CFHR5: variants seen among roughly 807,000 people sequenced by gnomAD.
CFHR5 encodes complement factor H-related protein 5.
In CFHR5, 73 loss-of-function variants were observed where a neutral mutation model predicts 62.9. The observed-to-expected ratio is 1.16, with a 90% CI of 0.96 to 1.41. The LOEUF is 1.41. Among genes scored for constraint, CFHR5 ranks in the 40% most tolerant of loss-of-function variants. The probability of loss-of-function intolerance (pLI) is 0.00; values close to 1 mark genes in which losing one functional copy is unlikely to be tolerated. For missense variants in CFHR5, 779 were observed against 679.9 expected, an observed-to-expected ratio of 1.15 and a Z score of -1.62; for synonymous variants, 249 against 227.2, an observed-to-expected ratio of 1.10 and a Z score of -0.86.
At chr1:196,975,575 C>T (rs1037378318), upstream of CFHR5, among the ~76,000 whole-genome samples, 3 of 152,006 alleles carry the variant, frequency 2.0e-5, no homozygotes, top group Admixed American at 6.6e-5. Context: ...GAAAAGGATG[C>T]GTGTGAACAG....
intron 3 of CFHR5, among the ~76,000 whole-genome samples, chr1:196,990,860 G>A (rs952079798): frequency 3.9e-5 from 6 of 151,924 alleles, no homozygotes; most frequent in East Asian, 1.9e-4. Flanking sequence ...TGCTCTTCTC[G>A]AGGAGTATTT....
intron 9 of CFHR5, 120 bp downstream of exon 9, chr1:197,004,963 A>G: frequency 1.3e-6 from 1 of 782,520 alleles, no homozygotes. Flanking sequence ...TTCCTGTCAA[A>G]TGTAAATACA....
At chr1:196,988,324 A>G (rs1653750760) in intron 3 of CFHR5, among the ~76,000 whole-genome samples, 1 of 152,156 alleles carries the variant, frequency 6.6e-6, no homozygotes, top group Non-Finnish European at 1.5e-5. Context: ...AACAGCAACA[A>G]TTTGACTTCC....
intron 6 of CFHR5, among the ~76,000 whole-genome samples, chr1:196,997,893 C>G (rs561437179): frequency 1.8e-4 from 28 of 152,274 alleles, no homozygotes; most frequent in African/African-American, 6.7e-4. Flanking sequence ...GAAAACCTAT[C>G]TTGCACTTTC....
chr1:196,985,658 A>C (rs1268012447), intron 3 of CFHR5, among the ~76,000 whole-genome samples: 1 of 152,152 alleles, frequency 6.6e-6, no homozygotes, highest in Admixed American at 6.6e-5. Context: ...GATGATGGCT[A>C]TTGTCAGACC....
intron 3 of CFHR5, among the ~76,000 whole-genome samples, chr1:196,985,514 G>C (rs1054129328): frequency 2.6e-5 from 4 of 151,830 alleles, no homozygotes; most frequent in Non-Finnish European, 5.9e-5. Flanking sequence ...AATAACAAAT[G>C]TTACTAACAC....
chr1:196,996,203 T>G lies in CFHR5; in HGVS notation c.970+2T>G, dbSNP rs550747814. ...GGACAGAGCTTCCTATGTGTGTTGGTGAGAAAACATTCCTAAACTTTATAT... is the reference window on the plus strand; with the variant it reads ...GGACAGAGCTTCCTATGTGTGTTGGGGAGAAAACATTCCTAAACTTTATAT... On this transcript the variant is annotated splice_donor_variant, in intron 6 of 9. Coordinates refer to ENST00000256785, the MANE Select transcript of CFHR5 (RefSeq NM_030787.4). LOFTEE classifies it high-confidence loss of function. 4.8e-4 allele frequency: 766 copies of G among 1,597,276 alleles called. 7 individuals are homozygous for G. The South Asian group carries it at 8.0e-3, about 17-fold the overall frequency.
At chr1:197,008,072 C>A (rs1176517568) in intron 9 of CFHR5, among the ~76,000 whole-genome samples, 1 of 149,288 alleles carries the variant, frequency 6.7e-6, no homozygotes. Flanking sequence ...AAGAAGATAA[C>A]ATTGTTTTTT....
intron 3 of CFHR5, among the ~76,000 whole-genome samples, chr1:196,993,217 T>C (rs530091943): frequency 6.6e-6 from 1 of 152,312 alleles, no homozygotes; most frequent in East Asian, 1.9e-4. Flanking sequence ...GTTACCCTTT[T>C]GTAAAACTGG....
chr1:196,982,075 T>A (rs1373336938), intron 1 of CFHR5, among the ~76,000 whole-genome samples: 1 of 152,052 alleles, frequency 6.6e-6, no homozygotes, highest in Non-Finnish European at 1.5e-5. Context: ...GTAATCAGAA[T>A]ATTAATAAAC....
At chr1:196,987,106 T>C (rs906959692) in intron 3 of CFHR5, among the ~76,000 whole-genome samples, 7 of 152,206 alleles carry the variant, frequency 4.6e-5, no homozygotes, top group African/African-American at 1.7e-4. Flanking sequence ...GATTTGCATT[T>C]CTCTGATGAC....
intron 8 of CFHR5, 118 bp from the exon 9 acceptor site, chr1:197,004,543 T>C: frequency 1.2e-6 from 1 of 818,782 alleles, no homozygotes; most frequent in Non-Finnish European, 2.1e-6. Flanking sequence ...ACAGAAATAC[T>C]GTAATTAATT....
chr1:196,978,953 A>G (rs1653466751), intron 1 of CFHR5, among the ~76,000 whole-genome samples: 1 of 152,188 alleles, frequency 6.6e-6, no homozygotes, highest in South Asian at 2.1e-4. Flanking sequence ...AATTCTATTA[A>G]AAGTTGTCTA....
intron 3 of CFHR5, among the ~76,000 whole-genome samples, chr1:196,990,010 T>C (rs989475417): frequency 6.6e-6 from 1 of 152,186 alleles, no homozygotes; most frequent in Non-Finnish European, 1.5e-5. Flanking sequence ...AGTCTAAGTC[T>C]CTTCGTAGGT....
rs1477294207 is a variant in CFHR5, at chr1:197,008,977, A to C, written c.*294A>C. 4 of 293,872 alleles carry C rather than the reference A, an allele frequency of 1.4e-5. No homozygotes were observed. Among genetic ancestry groups the C allele is most frequent in the African/African-American group, 2.2e-5 (1 of 46,002 alleles). 18.2% of individuals were successfully genotyped at this position (293,872 alleles called of 1,614,324 possible). A position where few individuals can be genotyped will look rare whatever the true frequency, so the allele number is the denominator to read the frequency against. On this transcript the variant is annotated 3_prime_UTR_variant, in exon 10 of 10. Transcript: ENST00000256785. ...CATAAATCTAAAAGCTGAGAAGTCC[A>C]AGATGGTGGGGCTGCCTCTGGTGAG... is the stretch of plus-strand genomic sequence containing the variant.
chr1:196,986,776 C>G (rs1336157964), intron 3 of CFHR5, among the ~76,000 whole-genome samples: 2 of 152,150 alleles, frequency 1.3e-5, no homozygotes, highest in Non-Finnish European at 2.9e-5. Flanking sequence ...CACTTACGGA[C>G]ATTTGGGCTA....
intron 7 of CFHR5, 115 bp from the exon 8 acceptor site, chr1:197,002,367 G>A (rs1192163313): frequency 4.3e-6 from 3 of 693,750 alleles, no homozygotes; most frequent in Non-Finnish European, 7.5e-6. Context: ...GAAAGTGATA[G>A]AGAGACATAG....
intron 7 of CFHR5, among the ~76,000 whole-genome samples, chr1:196,999,861 C>G (rs1446043656): frequency 1.4e-5 from 2 of 145,946 alleles, no homozygotes; most frequent in African/African-American, 5.1e-5. Context: ...TCCTAAAAAG[C>G]TAGGGGGAAA....
At chr1:196,983,320 T>G (rs1047288609) in intron 2 of CFHR5, among the ~76,000 whole-genome samples, 6 of 152,222 alleles carry the variant, frequency 3.9e-5, no homozygotes, top group Admixed American at 3.3e-4. Context: ...TTTTTTAAAC[T>G]GATGATTAAT....
Sources: allele counts gnomAD v4.1 joint callset (sites outside exome capture counted in the v4.1 genomes callset), GRCh38; gene constraint gnomAD v4.1.1; transcripts MANE v1.5; gene names NCBI Gene and HGNC (gene_info 2026-07-23, HGNC 2026-07-21).